Variants in MAP3K7CL observed in about 807,000 individuals in gnomAD.
The protein encoded by MAP3K7CL is MAP3K7 C-terminal-like protein.
A neutral mutation model predicts 18.6 loss-of-function variants in MAP3K7CL; 16 were observed. The ratio of observed to expected loss-of-function variants is 0.86; its 90% confidence interval spans 0.58 to 1.31. MAP3K7CL has a LOEUF of 1.31. Among genes scored for constraint, MAP3K7CL ranks in the 50% most tolerant of loss-of-function variants. The pLI is 0.00. For synonymous variants in MAP3K7CL, 65 were observed against 66.8 expected, an observed-to-expected ratio of 0.97 and a Z score of 0.13; for missense variants, 163 against 174.4, an observed-to-expected ratio of 0.93 and a Z score of 0.37.
chr21:29,099,642 G>A (rs984183283), intron 4 of MAP3K7CL, among the ~76,000 whole-genome samples: 7 of 152,132 alleles, frequency 4.6e-5, no homozygotes, highest in African/African-American at 1.7e-4. Flanking sequence ...AAAGTATGTT[G>A]TATTCCTTTT....
intron 4 of MAP3K7CL, among the ~76,000 whole-genome samples, chr21:29,122,427 G>A (rs928794343): frequency 6.6e-6 from 1 of 152,196 alleles, no homozygotes; most frequent in Non-Finnish European, 1.5e-5. Context: ...CTCTCATTCA[G>A]TGTCCAGGAA....
chr21:29,145,394 G>T (rs1320499619), intron 2 of MAP3K7CL, among the ~76,000 whole-genome samples: 1 of 151,994 alleles, frequency 6.6e-6, no homozygotes, highest in African/African-American at 2.4e-5. Flanking sequence ...ACTCCGATCC[G>T]GTATCACTGT....
upstream of MAP3K7CL, chr21:29,085,713 T>C (rs1222321813): frequency 7.3e-6 from 5 of 685,204 alleles, no homozygotes; most frequent in Admixed American, 2.4e-5. Flanking sequence ...AATGTTACTG[T>C]ATTTAACATT....
intron 1 of MAP3K7CL, among the ~76,000 whole-genome samples, chr21:29,089,821 G>A (rs2085991017): frequency 6.6e-6 from 1 of 151,606 alleles, no homozygotes; most frequent in African/African-American, 2.4e-5. Context: ...AGAAAGGGAG[G>A]AAGGGAGGGA....
chr21:29,128,304 A>C (rs1219503512), upstream of MAP3K7CL: 1 of 142,860 alleles, frequency 7.0e-6, no homozygotes, highest in Non-Finnish European at 1.6e-5. Context: ...ATTTCAATTA[A>C]ATTTTTTTTT....
chr21:29,113,091 G>A (rs1467478990), intron 4 of MAP3K7CL, among the ~76,000 whole-genome samples: 2 of 152,074 alleles, frequency 1.3e-5, no homozygotes, highest in African/African-American at 2.4e-5. Flanking sequence ...CACTGCGCCC[G>A]GCCCCATTTA....
chr21:29,082,988 A>G (rs187713128), upstream of MAP3K7CL, among the ~76,000 whole-genome samples: 68 of 150,642 alleles, frequency 4.5e-4, no homozygotes, highest in African/African-American at 1.6e-3. Context: ...ATCTGTATTG[A>G]AAAAACTCTA....
intron 4 of MAP3K7CL, among the ~76,000 whole-genome samples, chr21:29,160,483 G>C (rs2087519757): frequency 6.6e-6 from 1 of 152,216 alleles, no homozygotes; most frequent in African/African-American, 2.4e-5. Context: ...ACATTTTATA[G>C]TAGGGTAAGT....
intron 4 of MAP3K7CL, among the ~76,000 whole-genome samples, chr21:29,119,256 A>G (rs2086553859): frequency 6.6e-6 from 1 of 152,198 alleles, no homozygotes; most frequent in African/African-American, 2.4e-5. Context: ...TTTACTTTAC[A>G]GTAGAGTTTC....
chr21:29,101,437 T>C (rs1039785032), intron 4 of MAP3K7CL, among the ~76,000 whole-genome samples: 8 of 152,130 alleles, frequency 5.3e-5, no homozygotes, highest in African/African-American at 1.9e-4. Flanking sequence ...TGAGACGGAG[T>C]CTCGCTCTGT....
intron 4 of MAP3K7CL, among the ~76,000 whole-genome samples, chr21:29,117,278 A>G (rs1255935809): frequency 6.6e-6 from 1 of 152,220 alleles, no homozygotes; most frequent in Non-Finnish European, 1.5e-5. Flanking sequence ...ATTCCCATTT[A>G]GCTGGAGCGG....
intron 4 of MAP3K7CL, among the ~76,000 whole-genome samples, chr21:29,100,006 C>G (rs2086195677): frequency 1.3e-5 from 2 of 150,882 alleles, no homozygotes; most frequent in South Asian, 4.2e-4. Flanking sequence ...TGGCGTGAAC[C>G]TGGGAGGCGG....
intron 4 of MAP3K7CL, chr21:29,109,414 A>G: frequency 7.6e-7 from 1 of 1,315,974 alleles, no homozygotes; most frequent in Non-Finnish European, 9.7e-7. Context: ...CTCAGCCAGG[A>G]GGTGTTAAGT....
upstream of MAP3K7CL, among the ~76,000 whole-genome samples, chr21:29,129,432 T>C (rs1023423896): frequency 2.6e-5 from 4 of 152,394 alleles, no homozygotes; most frequent in East Asian, 5.8e-4. Flanking sequence ...GTTGGAATTA[T>C]ACAGCATGTA....
chr21:29,095,196 C>A (rs991532588), intron 4 of MAP3K7CL, among the ~76,000 whole-genome samples: 2 of 151,994 alleles, frequency 1.3e-5, no homozygotes, highest in Non-Finnish European at 2.9e-5. Flanking sequence ...ACCCCTGCAC[C>A]CACATGTATG....
intron 4 of MAP3K7CL, among the ~76,000 whole-genome samples, chr21:29,100,775 C>T (rs572745112): frequency 4.5e-5 from 6 of 133,934 alleles, no homozygotes; most frequent in South Asian, 2.4e-4. Flanking sequence ...TGCAATGGCA[C>T]GATCTCGGCT....
chr21:29,158,092 AG>A (rs35882437), intron 3 of MAP3K7CL, among the ~76,000 whole-genome samples: 66,552 of 151,934 alleles, frequency 0.44, 14,925 homozygotes, highest in East Asian at 0.6. Flanking sequence ...GCCTTCCAGG[AG>A]GCAAATCCTT....
chr21:29,144,704 T>C (rs1447089050), intron 2 of MAP3K7CL, among the ~76,000 whole-genome samples: 1 of 152,220 alleles, frequency 6.6e-6, no homozygotes, highest in Non-Finnish European at 1.5e-5. Flanking sequence ...CTTTCCAGCT[T>C]CAATATTCTC....
At chr21:29,136,239 A>C (rs2086882320) in intron 2 of MAP3K7CL, among the ~76,000 whole-genome samples, 1 of 152,216 alleles carries the variant, frequency 6.6e-6, no homozygotes, top group Non-Finnish European at 1.5e-5. Flanking sequence ...ACTCCCTTTA[A>C]ATTCTTGAAT....
Sources: gnomAD v4.1 joint callset for allele counts (sites outside exome capture counted in the v4.1 genomes callset) on GRCh38, gnomAD v4.1.1 for gene constraint, MANE v1.5 for transcripts, NCBI Gene and HGNC (gene_info 2026-07-23, HGNC 2026-07-21) for gene names.